Variants in WASF2 observed in about 807,000 individuals in gnomAD.
The protein encoded by WASF2 is WASP family member 2, also known as actin-binding protein WASF2.
In WASF2, 14 loss-of-function variants were observed where a neutral mutation model predicts 45.0. The observed-to-expected ratio is 0.31, with a 90% confidence interval of 0.21 to 0.49. The LOEUF is 0.49. Ranked by LOEUF, WASF2 falls within the 20% of genes least tolerant of loss-of-function variation. The probability of loss-of-function intolerance (pLI) is 0.99; values close to 1 mark genes in which losing one functional copy is unlikely to be tolerated. For synonymous variants in WASF2, 200 were observed against 236.3 expected, an observed-to-expected ratio of 0.85 and a Z score of 1.41; for missense variants, 439 against 636.1, an observed-to-expected ratio of 0.69 and a Z score of 3.33.
chr1:27,443,172 T>G (rs1364492009), intron 1 of WASF2, among the ~76,000 whole-genome samples: 2 of 145,996 alleles, frequency 1.4e-5, no homozygotes, highest in African/African-American at 5.1e-5. Context: ...TCTAAATAAA[T>G]AAATAAATAA....
intron 1 of WASF2, among the ~76,000 whole-genome samples, chr1:27,489,517 C>G (rs972444261): frequency 6.6e-6 from 1 of 151,586 alleles, no homozygotes; most frequent in African/African-American, 2.4e-5. Context: ...GGGGCCTCAA[C>G]GAGCACCTCA....
At chr1:27,467,552 T>C (rs1195265273) in intron 1 of WASF2, among the ~76,000 whole-genome samples, 3 of 150,238 alleles carry the variant, frequency 2.0e-5, no homozygotes, top group Admixed American at 6.6e-5. Flanking sequence ...CCGCCCGCCT[T>C]GACCTCCCAA....
At chr1:27,440,512 C>A (rs1195556351) in intron 1 of WASF2, among the ~76,000 whole-genome samples, 1 of 150,478 alleles carries the variant, frequency 6.6e-6, no homozygotes, top group Non-Finnish European at 1.5e-5. Flanking sequence ...CAGAGTGAGA[C>A]CCTGTCTTAA....
intron 4 of WASF2, among the ~76,000 whole-genome samples, chr1:27,417,280 A>G (rs1005245545): frequency 2.6e-5 from 4 of 152,156 alleles, no homozygotes; most frequent in Admixed American, 1.3e-4. Context: ...CCCAAACCCA[A>G]CTAGACTCAA....
At position 27,425,935 on chromosome 1, in the gene WASF2, C is replaced by T. The variant is rs146521193; in HGVS notation, c.130+2826G>A. Reference sequence around the variant, plus strand: ...GGCTCAGGCAGGAGAATCACTTGAACGCAGAGGCGAAGGCTGCAGGGAGGG... The same window carrying T: ...GGCTCAGGCAGGAGAATCACTTGAATGCAGAGGCGAAGGCTGCAGGGAGGG... On this transcript the variant is annotated intron_variant, in intron 2 of 8. Transcript: ENST00000618852. Among the ~76,000 whole-genome samples, 408 of 149,120 alleles carry T rather than the reference C, an allele frequency of 2.7e-3. 1 individual carries two copies. Among genetic ancestry groups the T allele is most frequent in the African/African-American group, 9.9e-3 (399 of 40,360 alleles).
At chr1:27,472,648 T>G (rs1244231415) in intron 1 of WASF2, among the ~76,000 whole-genome samples, 2 of 49,662 alleles carry the variant, frequency 4.0e-5, no homozygotes, top group African/African-American at 2.1e-4. Context: ...AAACCCCGTC[T>G]CCAAAAAAAA....
At chr1:27,416,867 G>C (rs1340931296) in intron 4 of WASF2, among the ~76,000 whole-genome samples, 1 of 152,144 alleles carries the variant, frequency 6.6e-6, no homozygotes, top group Non-Finnish European at 1.5e-5. Flanking sequence ...CTTGCATTTT[G>C]GCATGGATAA....
At chr1:27,475,912 C>G (rs987625646) in intron 1 of WASF2, among the ~76,000 whole-genome samples, 1 of 152,168 alleles carries the variant, frequency 6.6e-6, no homozygotes, top group Admixed American at 6.6e-5. Flanking sequence ...CACGCCTCCC[C>G]ATGTGGGCGT....
intron 2 of WASF2, among the ~76,000 whole-genome samples, chr1:27,424,831 T>C (rs1036588173): frequency 2.0e-5 from 3 of 152,218 alleles, no homozygotes; most frequent in Admixed American, 6.5e-5. Flanking sequence ...AATTGAGACA[T>C]AGGTGATTTG....
chr1:27,451,306 G>A (rs2017380638), intron 1 of WASF2, among the ~76,000 whole-genome samples: 1 of 152,172 alleles, frequency 6.6e-6, no homozygotes, highest in African/African-American at 2.4e-5. Flanking sequence ...GCAAAGAGGG[G>A]CAGTCAGTTA....
chr1:27,426,837 T>A (rs2016987908), intron 2 of WASF2, among the ~76,000 whole-genome samples: 1 of 152,124 alleles, frequency 6.6e-6, no homozygotes, highest in African/African-American at 2.4e-5. Flanking sequence ...TGAGCCTTAT[T>A]TTCTTTATCT....
chr1:27,459,245 C>G (rs1356749345), intron 1 of WASF2: 2 of 152,196 alleles, frequency 1.3e-5, no homozygotes, highest in African/African-American at 4.8e-5. Context: ...ACTGTAGCTT[C>G]AATCTCTCGG....
intron 1 of WASF2, 86 bp from the exon 2 acceptor site, chr1:27,429,019 T>C: frequency 1.9e-6 from 2 of 1,053,614 alleles, no homozygotes; most frequent in Non-Finnish European, 2.7e-6. Context: ...TTTTTTTTTT[T>C]GGTCTTACCC....
intron 1 of WASF2, among the ~76,000 whole-genome samples, chr1:27,466,773 G>A (rs2017616345): frequency 6.6e-6 from 1 of 152,098 alleles, no homozygotes; most frequent in East Asian, 1.9e-4. Flanking sequence ...AGGCTGAGGT[G>A]GGAGCCCAGG....
At chr1:27,475,513 C>G (rs908861819) in intron 1 of WASF2, among the ~76,000 whole-genome samples, 2 of 152,210 alleles carry the variant, frequency 1.3e-5, no homozygotes, top group Non-Finnish European at 2.9e-5. Flanking sequence ...ATATCACCTT[C>G]TCAGAGAAGC....
At chr1:27,459,824 G>A (rs1465564388) in intron 1 of WASF2, among the ~76,000 whole-genome samples, 1 of 152,102 alleles carries the variant, frequency 6.6e-6, no homozygotes, top group Non-Finnish European at 1.5e-5. Context: ...AATACATACT[G>A]TATAAGGAAG....
intron 1 of WASF2, among the ~76,000 whole-genome samples, chr1:27,452,840 T>C (rs976629013): frequency 6.9e-6 from 1 of 145,188 alleles, no homozygotes; most frequent in African/African-American, 2.5e-5. Flanking sequence ...AAAACAAAAA[T>C]TTAAAAATTA....
At chr1:27,428,383 C>A (rs1002170886) in intron 2 of WASF2, among the ~76,000 whole-genome samples, 4 of 152,204 alleles carry the variant, frequency 2.6e-5, no homozygotes, top group African/African-American at 9.7e-5. Context: ...TCGAACAGCT[C>A]GTGTAATTAC....
At chr1:27,487,669 A>G (rs2017962063) in intron 1 of WASF2, among the ~76,000 whole-genome samples, 1 of 107,452 alleles carries the variant, frequency 9.3e-6, no homozygotes, top group Non-Finnish European at 1.7e-5. Flanking sequence ...TATATATTAT[A>G]TATATTTTAT....
Sources: allele counts gnomAD v4.1 joint callset (sites outside exome capture counted in the v4.1 genomes callset), GRCh38; gene constraint gnomAD v4.1.1; transcripts MANE v1.5; gene names NCBI Gene and HGNC (gene_info 2026-07-23, HGNC 2026-07-21).